Variants in CAMLG observed in about 807,000 individuals in gnomAD.
CAMLG encodes the protein guided entry of tail-anchored proteins factor CAMLG.
In CAMLG, 23 loss-of-function variants were observed where a neutral mutation model predicts 28.9. That is an observed-to-expected ratio of 0.80 (90% CI 0.57 to 1.13). CAMLG has a LOEUF of 1.13. Among genes scored for constraint, CAMLG ranks in the 50% most tolerant of loss-of-function variants. CAMLG has a pLI of 0.00. For synonymous variants in CAMLG, 141 were observed against 146.5 expected (o/e 0.96, Z 0.27); for missense variants, 367 against 371.9 (o/e 0.99, Z 0.11).
At chr5:134,744,145 C>G in intron 3 of CAMLG, 93 bp downstream of exon 3, 1 of 650,562 alleles carries the variant, frequency 1.5e-6, no homozygotes, top group Non-Finnish European at 2.8e-6. Context: ...GTCCTGCTTA[C>G]GGTCTGAATC....
In CAMLG at chr5:134,741,468, T is replaced by G. The variant is rs1453586681; in HGVS notation, c.578T>G (p.Leu193Trp). The G allele has an allele frequency of 3.7e-6, 6 of 1,614,050 alleles. No homozygotes were observed. The highest frequency in any genetic ancestry group is 1.6e-4 in the Middle Eastern group (1 of 6,062). ...TTTGACTCTTTTCGAATATTTAGATTGGTGGGATGTGCTCTTCTTGCTCTT... is the reference window on the plus strand; with the variant it reads ...TTTGACTCTTTTCGAATATTTAGATGGGTGGGATGTGCTCTTCTTGCTCTT... ...EEFDSFRIFR[L>W]VGCALLALGV... Residue 193 changes from leucine to tryptophan, a missense_variant, in exon 2 of 4, where the codon TTG becomes TGG. Transcript: ENST00000297156.
chr5:134,747,489 G>A (rs1307267507), intron 3 of CAMLG, among the ~76,000 whole-genome samples: 1 of 151,372 alleles, frequency 6.6e-6, no homozygotes, highest in Non-Finnish European at 1.5e-5. Context: ...GACTACAGGC[G>A]CCCGCCATCA....
chr5:134,739,552 AAATTTATTTCACGTGAGTAT>A (rs552716219), intron 1 of CAMLG, among the ~76,000 whole-genome samples: 11 of 152,328 alleles, frequency 7.2e-5, no homozygotes, highest in Middle Eastern at 6.8e-3. Context: ...TCTTTAAAAA[AAATTTATTTCACGTGAGTAT>A]AATTGAGCAA....
chr5:134,746,056 T>G (rs111243302), intron 3 of CAMLG, among the ~76,000 whole-genome samples: 104 of 148,976 alleles, frequency 7.0e-4, no homozygotes, highest in African/African-American at 2.4e-3. Context: ...GGGAATCACT[T>G]GAACCCAGGA....
chr5:134,750,702 G>C, intron 3 of CAMLG, 57 bp from the exon 4 acceptor site: 1 of 1,219,718 alleles, frequency 8.2e-7, no homozygotes, highest in Non-Finnish European at 1.2e-6. Context: ...TGTTTGTATA[G>C]AGCTTAATGT....
chr5:134,740,963 T>C, intron 1 of CAMLG, 100 bp from the exon 2 acceptor site: 1 of 750,860 alleles, frequency 1.3e-6, no homozygotes, highest in South Asian at 1.8e-5. Flanking sequence ...ATGCAGAGGC[T>C]GCTGAGTTCT....
intron 2 of CAMLG, 123 bp from the exon 3 acceptor site, chr5:134,743,864 C>G (rs889139997): frequency 3.4e-5 from 20 of 586,562 alleles, no homozygotes; most frequent in Non-Finnish European, 6.0e-5. Context: ...GACTCCGTCT[C>G]AAAAAATAAT....
chr5:134,739,335 G>A (rs1173837091), intron 1 of CAMLG, among the ~76,000 whole-genome samples: 1 of 152,098 alleles, frequency 6.6e-6, no homozygotes, highest in African/African-American at 2.4e-5. Flanking sequence ...TAGTGTTTGT[G>A]TTCAGTGCCG....
At position 134,738,615 on chromosome 5, in the gene CAMLG, G is replaced by A. The variant is rs1218434934; in HGVS notation, c.-6G>A. Reference sequence around the variant, plus strand: ...CTGCCACCCCTCCCAGACTGTGGACGGGAGGATGGAGTCGATGGCCGTCGC... The same window carrying A: ...CTGCCACCCCTCCCAGACTGTGGACAGGAGGATGGAGTCGATGGCCGTCGC... On this transcript the variant is annotated 5_prime_UTR_variant, in exon 1 of 4. Transcript: ENST00000297156. 1 of 1,608,480 alleles carries A rather than the reference G, an allele frequency of 6.2e-7. No individual in the cohort carries two copies. The highest frequency in any genetic ancestry group is 8.5e-7 in the Non-Finnish European group (1 of 1,177,940).
intron 3 of CAMLG, among the ~76,000 whole-genome samples, chr5:134,747,024 T>G (rs1208920989): frequency 2.0e-5 from 3 of 152,028 alleles, no homozygotes; most frequent in Middle Eastern, 3.2e-3. Context: ...GGCAGAGGTT[T>G]ACAGTGAGCC....
At chr5:134,738,873 C>T (rs1752951304) in intron 1 of CAMLG, 81 bp downstream of exon 1, 15 of 1,365,212 alleles carry the variant, frequency 1.1e-5, no homozygotes, top group African/African-American at 1.4e-5. Flanking sequence ...CACCTCCACT[C>T]CTCTGACCTT....
intron 3 of CAMLG, among the ~76,000 whole-genome samples, chr5:134,747,588 C>T (rs1246166013): frequency 6.6e-5 from 10 of 151,126 alleles, no homozygotes; most frequent in Non-Finnish European, 1.0e-4. Context: ...CCTCATGATC[C>T]GCCTGCCTCG....
In CAMLG at chr5:134,738,833, T is replaced by G. The variant is rs113633692; in HGVS notation, c.172+41T>G. 4.1e-3 allele frequency: 6,570 copies of G among 1,591,164 alleles called. 225 individuals carry two copies. The African/African-American group carries it at 0.071, about 17-fold the overall frequency. On this transcript the variant is annotated intron_variant, in intron 1 of 3. Coordinates refer to ENST00000297156, the MANE Select transcript of CAMLG (RefSeq NM_001745.4). ...TCCCCTCAGTCTCCCGCCCATCACC[T>G]TGAATCTTCAGGGTCATTCTTCCCT...
chr5:134,740,680 C>T (rs1403782231), intron 1 of CAMLG, among the ~76,000 whole-genome samples: 1 of 152,136 alleles, frequency 6.6e-6, no homozygotes, highest in African/African-American at 2.4e-5. Flanking sequence ...TCTGCAACCT[C>T]CTCCCCCCGG....
At chr5:134,749,319 C>T (rs1161048483) in intron 3 of CAMLG, among the ~76,000 whole-genome samples, 1 of 152,094 alleles carries the variant, frequency 6.6e-6, no homozygotes, top group Non-Finnish European at 1.5e-5. Flanking sequence ...CCACCCACCT[C>T]GACCTCCCAA....
chr5:134,746,184 G>GA (rs1167130214), intron 3 of CAMLG, among the ~76,000 whole-genome samples: 5 of 142,368 alleles, frequency 3.5e-5, no homozygotes, highest in African/African-American at 1.3e-4. Context: ...TCAGAATGAA[G>GA]ATGCTCTCAA....
At position 134,738,597 on chromosome 5, in the gene CAMLG, C is replaced by T. The variant is rs751422675; in HGVS notation, c.-24C>T. 1.3e-6 allele frequency: 2 copies of T among 1,565,182 alleles called. No individual in the cohort carries two copies. The highest frequency in any genetic ancestry group is 4.5e-5 in the East Asian group (2 of 44,060). ...CGGCCAACATCACCGCCACTGCCAC[C>T]CCTCCCAGACTGTGGACGGGAGGAT... On this transcript the variant is annotated 5_prime_UTR_variant, in exon 1 of 4. Coordinates refer to ENST00000297156, the MANE Select transcript of CAMLG (RefSeq NM_001745.4).
chr5:134,739,344 C>T (rs1752956722), intron 1 of CAMLG, among the ~76,000 whole-genome samples: 1 of 152,062 alleles, frequency 6.6e-6, no homozygotes, highest in Non-Finnish European at 1.5e-5. Flanking sequence ...TGTTCAGTGC[C>T]GTCAACACTG....
intron 3 of CAMLG, among the ~76,000 whole-genome samples, chr5:134,748,139 T>C (rs1753073195): frequency 6.6e-6 from 1 of 151,780 alleles, no homozygotes; most frequent in Admixed American, 6.6e-5. Flanking sequence ...TAGAATTAGC[T>C]GGTCTCTGGT....
Sources: allele counts gnomAD v4.1 joint callset (sites outside exome capture counted in the v4.1 genomes callset), GRCh38; gene constraint gnomAD v4.1.1; transcripts MANE v1.5; gene names NCBI Gene and HGNC (gene_info 2026-07-23, HGNC 2026-07-21).